Variants in SPIRE1 observed in about 807,000 individuals in gnomAD.
SPIRE1 encodes spire type actin nucleation factor 1, also known as protein spire homolog 1.
A neutral mutation model predicts 94.1 loss-of-function variants in SPIRE1; 40 were observed. That is an observed-to-expected ratio of 0.43 (90% confidence interval 0.33 to 0.55). The LOEUF is 0.55. Among genes scored for constraint, SPIRE1 ranks in the 20% least tolerant of loss-of-function variants. SPIRE1 has a pLI of 0.06. For missense variants in SPIRE1, 838 were observed against 975.2 expected (o/e 0.86, Z 1.87); for synonymous variants, 376 against 371.7 (o/e 1.01, Z -0.13).
chr18:12,636,568 C>T (rs930704933), intron 1 of SPIRE1, among the ~76,000 whole-genome samples: 1 of 151,698 alleles, frequency 6.6e-6, no homozygotes, highest in South Asian at 2.1e-4. Context: ...AACTCCTCAT[C>T]TCTTAATGAT....
intron 6 of SPIRE1, among the ~76,000 whole-genome samples, chr18:12,497,025 G>A (rs560230189): frequency 7.2e-5 from 11 of 152,096 alleles, no homozygotes; most frequent in Admixed American, 5.9e-4. Flanking sequence ...CCGAGATCAC[G>A]CTACTGCACT....
chr18:12,488,555 G>T (rs1568203241), intron 8 of SPIRE1, among the ~76,000 whole-genome samples: 1 of 151,886 alleles, frequency 6.6e-6, no homozygotes, highest in African/African-American at 2.4e-5. Flanking sequence ...TTAGCAGCTG[G>T]TTTTAAAGGA....
Position 12,463,391 on chromosome 18 carries a change from C to T in SPIRE1, c.1598G>A (p.Arg533Lys). The T allele has an allele frequency of 3.1e-6, 5 of 1,613,922 alleles. No homozygotes were observed. Among genetic ancestry groups the T allele is most frequent in the Non-Finnish European group, 4.2e-6 (5 of 1,179,906 alleles). The change falls in exon 12 of 17, where the codon AGG becomes AAG. Residue 533 changes from arginine to lysine, a missense_variant. Coordinates refer to ENST00000409402, the MANE Select transcript of SPIRE1 (RefSeq NM_001128626.2). The part of the protein sequence containing the change: ...SIEKETPTNV[R>K]QFLPPSRQSS... ...CTGCCTGGAAGGCGGCAGGAACTGCCTCACGTTAGTAGGCGTTTCCTTTTC... is the reference window on the plus strand; with the variant it reads ...CTGCCTGGAAGGCGGCAGGAACTGCTTCACGTTAGTAGGCGTTTCCTTTTC...
chr18:12,616,178 C>A (rs775566378), intron 2 of SPIRE1, among the ~76,000 whole-genome samples: 5 of 152,166 alleles, frequency 3.3e-5, no homozygotes, highest in Non-Finnish European at 7.3e-5. Context: ...AAAGTCACAT[C>A]CTCTGTAAAA....
At position 12,546,908 on chromosome 18, in the gene SPIRE1, G is replaced by C. The variant is rs578003599; in HGVS notation, c.373-4C>G. On this transcript the variant is annotated splice_polypyrimidine_tract_variant and splice_region_variant and intron_variant, in intron 2 of 16. Transcript: ENST00000409402. ...TAATTCCCAAAGATTCAATGACCTA[G>C]GAACATTTAAAAAAGTGGTTAATGG... 1.9e-6 allele frequency: 3 copies of C among 1,600,892 alleles called. No homozygotes were observed. Among genetic ancestry groups the C allele is most frequent in the Non-Finnish European group, 2.6e-6 (3 of 1,170,752 alleles).
intron 10 of SPIRE1, 126 bp downstream of exon 10, chr18:12,479,573 T>C (rs1008654905): frequency 2.5e-5 from 22 of 876,892 alleles, no homozygotes; most frequent in Non-Finnish European, 3.5e-5. Context: ...ATTTTAATCC[T>C]AGCTTTACTG....
intron 10 of SPIRE1, among the ~76,000 whole-genome samples, chr18:12,479,182 T>C (rs977194061): frequency 3.4e-5 from 5 of 148,382 alleles, no homozygotes; most frequent in African/African-American, 7.4e-5. Flanking sequence ...TTTTCTTTTT[T>C]TTTTTTTTTT....
chr18:12,548,867 G>T (rs369054369), intron 2 of SPIRE1, among the ~76,000 whole-genome samples: 2 of 151,948 alleles, frequency 1.3e-5, no homozygotes, highest in Non-Finnish European at 1.5e-5. Context: ...GGCCTGCCTC[G>T]GCCTCTCAAA....
chr18:12,497,449 C>T (rs2033498193), intron 6 of SPIRE1, among the ~76,000 whole-genome samples: 1 of 152,192 alleles, frequency 6.6e-6, no homozygotes, highest in South Asian at 2.1e-4. Flanking sequence ...TCAATGGCCA[C>T]TCCTATGCCC....
chr18:12,640,763 G>C (rs1256083272), intron 1 of SPIRE1, among the ~76,000 whole-genome samples: 1 of 152,178 alleles, frequency 6.6e-6, no homozygotes, highest in East Asian at 1.9e-4. Context: ...GACAGGCCTG[G>C]GAAGTGTTTG....
intron 10 of SPIRE1, among the ~76,000 whole-genome samples, chr18:12,470,958 C>A (rs2032335164): frequency 6.6e-6 from 1 of 151,862 alleles, no homozygotes; most frequent in African/African-American, 2.4e-5. Flanking sequence ...GTTTCAGGGG[C>A]CAGTCTGGGC....
At chr18:12,493,008 G>T in intron 8 of SPIRE1, 64 bp downstream of exon 8, 1 of 1,512,866 alleles carries the variant, frequency 6.6e-7, no homozygotes, top group South Asian at 1.3e-5. Context: ...CATGGGGCTG[G>T]GTGTATAAAG....
At chr18:12,517,591 T>C (rs2034233691) in intron 4 of SPIRE1, among the ~76,000 whole-genome samples, 1 of 152,208 alleles carries the variant, frequency 6.6e-6, no homozygotes, top group Admixed American at 6.5e-5. Context: ...GCTTGAGATA[T>C]GGTGAGAAAG....
chr18:12,512,269 C>A (rs895332663), intron 5 of SPIRE1, among the ~76,000 whole-genome samples, 185 bp downstream of exon 5: 4 of 151,956 alleles, frequency 2.6e-5, no homozygotes, highest in African/African-American at 9.7e-5. Flanking sequence ...GAGGCTGAGG[C>A]AGGAGAATCA....
chr18:12,457,919 A>G (rs1011101563), intron 12 of SPIRE1, among the ~76,000 whole-genome samples: 12 of 145,130 alleles, frequency 8.3e-5, no homozygotes, highest in African/African-American at 3.1e-4. Context: ...ATCTCAGCTC[A>G]CTGCAAGCTC....
At chr18:12,489,381 T>C (rs2143834805) in intron 8 of SPIRE1, among the ~76,000 whole-genome samples, 1 of 152,378 alleles carries the variant, frequency 6.6e-6, no homozygotes, top group East Asian at 1.9e-4. Context: ...TCTTCTCTAA[T>C]ATCTTTTTAT....
chr18:12,468,931 G>C (rs538934146), intron 10 of SPIRE1, among the ~76,000 whole-genome samples: 1 of 152,150 alleles, frequency 6.6e-6, no homozygotes, highest in African/African-American at 2.4e-5. Context: ...AGGTGTGGTG[G>C]TGCACACCTA....
chr18:12,555,896 G>C (rs2035490388), intron 2 of SPIRE1, among the ~76,000 whole-genome samples: 1 of 152,098 alleles, frequency 6.6e-6, no homozygotes, highest in Non-Finnish European at 1.5e-5. Flanking sequence ...GCTTGCAGAT[G>C]GTATGATCTT....
At position 12,546,232 on chromosome 18, in the gene SPIRE1, G is replaced by A. The variant is rs189708601; in HGVS notation, c.603+442C>T. Among the ~76,000 whole-genome samples the A allele has an allele frequency of 1.2e-3, 188 of 152,116 alleles. 1 individual carries two copies. Among genetic ancestry groups the A allele is most frequent in the East Asian group, 7.0e-3 (36 of 5,160 alleles). On this transcript the variant is annotated intron_variant, in intron 3 of 16. Coordinates refer to ENST00000409402, the MANE Select transcript of SPIRE1 (RefSeq NM_001128626.2). ...TCTTGATCTCCTGACCTCGTGATCC[G>A]CCTGCCTCGGCCTCCCAAAGTGCTG... is the stretch of plus-strand genomic sequence containing the variant.
Sources: allele counts gnomAD v4.1 joint callset (sites outside exome capture counted in the v4.1 genomes callset), GRCh38; gene constraint gnomAD v4.1.1; transcripts MANE v1.5; gene names NCBI Gene and HGNC (gene_info 2026-07-23, HGNC 2026-07-21).